Variants in CEACAM5 observed in about 807,000 individuals in gnomAD.
CEACAM5 encodes cell adhesion molecule CEACAM5.
In CEACAM5, 52 loss-of-function variants were observed where a neutral mutation model predicts 63.0. The observed-to-expected ratio is 0.83, with a 90% confidence interval of 0.66 to 1.04. The LOEUF (loss-of-function observed/expected upper bound fraction) is 1.04. CEACAM5 is among the 50% of genes least tolerant of loss of function. The pLI is 0.00. For missense variants in CEACAM5, 790 were observed against 864.8 expected, an observed-to-expected ratio of 0.91 and a Z score of 1.08; for synonymous variants, 357 against 351.3, an observed-to-expected ratio of 1.02 and a Z score of -0.18.
intron 2 of CEACAM5, among the ~76,000 whole-genome samples, chr19:41,713,298 C>A: frequency 6.7e-6 from 1 of 150,262 alleles, no homozygotes. Flanking sequence ...AGCGAGACTC[C>A]ATCTCAAAAA....
intron 7 of CEACAM5, 143 bp from the exon 8 acceptor site, chr19:41,720,779 C>CGT: frequency 9.6e-7 from 1 of 1,037,230 alleles, no homozygotes; most frequent in Non-Finnish European, 1.4e-6. Flanking sequence ...GGATTACAGG[C>CGT]GTGAGCCACC....
At chr19:41,713,996 C>T (rs938023062) in intron 2 of CEACAM5, among the ~76,000 whole-genome samples, 13 of 152,144 alleles carry the variant, frequency 8.5e-5, no homozygotes, top group African/African-American at 3.1e-4. Flanking sequence ...GGGCAGAACA[C>T]CTGAGGTCAG....
intron 6 of CEACAM5, among the ~76,000 whole-genome samples, chr19:41,718,704 A>T (rs1461643831): frequency 1.3e-5 from 2 of 152,308 alleles, no homozygotes; most frequent in Non-Finnish European, 2.9e-5. Context: ...CTCTGTCACC[A>T]ATATGTCCCT....
rs186801481 is a variant in CEACAM5, at chr19:41,721,337, C to T, written c.2026+161C>T. 2.6e-5 allele frequency among the ~76,000 whole-genome samples: 4 copies of T among 152,372 alleles called. No homozygotes were observed. In the South Asian group the frequency reaches 6.2e-4, roughly 24 times the overall value. ...CCCCCTCACTCCATCTCGGCCAACT[C>T]TCTCCTCCCCGGCTTCTCTGATATC... On this transcript the variant is annotated intron_variant, in intron 8 of 9. Transcript: ENST00000221992.
chr19:41,728,803 A>AAAAAAAAAAAG (rs1230457032), intron 9 of CEACAM5, among the ~76,000 whole-genome samples: 2 of 151,390 alleles, frequency 1.3e-5, no homozygotes, highest in African/African-American at 4.9e-5. Context: ...AAAAAAAAAA[A>AAAAAAAAAAAG]AAGAATTGCC....
At position 41,715,908 on chromosome 19, in the gene CEACAM5, A is replaced by C; in HGVS notation, c.958+4A>C. 1 of 1,612,196 alleles carries C rather than the reference A, an allele frequency of 6.2e-7. No homozygotes were observed. Among genetic ancestry groups the C allele is most frequent in the Non-Finnish European group, 8.5e-7 (1 of 1,178,418 alleles). On this transcript the variant is annotated splice_donor_region_variant and intron_variant, in intron 4 of 9. Transcript: ENST00000221992. ...GTCACGACGATCACAGTCTATGGTA[A>C]GTGGATCCACGAAGCACTGACATCA...
chr19:41,725,207 T>C (rs2072681996), intron 8 of CEACAM5, among the ~76,000 whole-genome samples: 1 of 152,202 alleles, frequency 6.6e-6, no homozygotes, highest in Non-Finnish European at 1.5e-5. Context: ...TATCTAATTA[T>C]AGGCCTATTA....
chr19:41,721,324 A>G (rs2122822683), intron 8 of CEACAM5, 148 bp downstream of exon 8: 1 of 870,634 alleles, frequency 1.1e-6, no homozygotes, highest in East Asian at 2.5e-5. Flanking sequence ...CCCTCACTCC[A>G]TCTCGGCCAA....
chr19:41,709,981 A>G lies in CEACAM5; in HGVS notation c.366A>G (p.Leu122=). 3 of 1,613,236 alleles carry G rather than the reference A, an allele frequency of 1.9e-6. No homozygotes were observed. Among genetic ancestry groups the G allele is most frequent in the Non-Finnish European group, 2.5e-6 (3 of 1,179,498 alleles). ...IIQNDTGFYT[L]HVIKSDLVNE... ...AGAATGACACAGGATTCTACACCCT[A>G]CACGTCATAAAGTCAGATCTTGTGA... is the stretch of plus-strand genomic sequence containing the variant. Residue 122 remains leucine, a synonymous_variant, in exon 2 of 10, where the codon CTA becomes CTG. Coordinates refer to ENST00000221992, the MANE Select transcript of CEACAM5 (RefSeq NM_004363.6).
intron 4 of CEACAM5, among the ~76,000 whole-genome samples, chr19:41,716,500 C>G (rs2072529518): frequency 6.6e-6 from 1 of 152,216 alleles, no homozygotes; most frequent in Non-Finnish European, 1.5e-5. Flanking sequence ...CCAATCAACA[C>G]CAAAGCTTCC....
rs566253475 is a variant in CEACAM5, at chr19:41,716,972, C to T, written c.959-483C>T. On this transcript the variant is annotated intron_variant, in intron 4 of 9. Coordinates refer to ENST00000221992, the MANE Select transcript of CEACAM5 (RefSeq NM_004363.6). ...TGTCACCTCTAGACATGCTCCTAGT[C>T]TCCTGCACTATTTCTGCTCAAACAT... Among the ~76,000 whole-genome samples the T allele has an allele frequency of 5.3e-5, 8 of 152,356 alleles. No homozygotes were observed. In the South Asian group the frequency reaches 1.7e-3, roughly 32 times the overall value.
intron 2 of CEACAM5, among the ~76,000 whole-genome samples, chr19:41,713,533 C>G (rs2072470097): frequency 6.6e-6 from 1 of 152,176 alleles, no homozygotes; most frequent in African/African-American, 2.4e-5. Flanking sequence ...CCTAGAACCT[C>G]CTCATCCTGC....
At chr19:41,725,536 G>A (rs1387550532) in intron 8 of CEACAM5, among the ~76,000 whole-genome samples, 2 of 151,834 alleles carry the variant, frequency 1.3e-5, no homozygotes, top group Non-Finnish European at 2.9e-5. Context: ...AGCCTGGATA[G>A]TTTTTTAAAG....
chr19:41,724,891 G>A (rs2072676307), intron 8 of CEACAM5, among the ~76,000 whole-genome samples: 1 of 152,168 alleles, frequency 6.6e-6, no homozygotes, highest in Admixed American at 6.5e-5. Context: ...CTACAGAGAA[G>A]TCCAAGTTAT....
chr19:41,716,032 C>T (rs979039703), intron 4 of CEACAM5, 128 bp downstream of exon 4: 9 of 1,015,620 alleles, frequency 8.9e-6, no homozygotes, highest in Non-Finnish European at 1.3e-5. Flanking sequence ...CCCAGATTCT[C>T]CCACTGAACC....
rs1334278889 is a variant in CEACAM5 at position 41,729,525 on chromosome 19, A to G, written c.*378A>G. ...AAGACTCTGACCTGTACTCTTGAAT[A>G]CAAGTTTCTGATACCACTGCACTGT... On this transcript the variant is annotated 3_prime_UTR_variant, in exon 10 of 10. Coordinates refer to ENST00000221992, the MANE Select transcript of CEACAM5 (RefSeq NM_004363.6). 1 of 152,232 alleles carries G rather than the reference A, an allele frequency of 6.6e-6. No individual in the cohort carries two copies. The highest frequency in any genetic ancestry group is 2.4e-5 in the African/African-American group (1 of 41,462). 9.4% of individuals were successfully genotyped at this position (152,232 alleles called of 1,614,324 possible).
intron 2 of CEACAM5, among the ~76,000 whole-genome samples, chr19:41,713,269 C>A (rs1301782050): frequency 6.6e-6 from 1 of 151,950 alleles, no homozygotes; most frequent in African/African-American, 2.4e-5. Flanking sequence ...CGTGCCACTG[C>A]ACTCCAGCCT....
rs371172248 is a variant in CEACAM5 at position 41,709,738 on chromosome 19, G to A, written c.123G>A (p.Thr41=). Reference sequence around the variant, plus strand: ...CTGCCAAGCTCACTATTGAATCCACGCCGTTCAATGTCGCAGAGGGGAAGG... The same window carrying A: ...CTGCCAAGCTCACTATTGAATCCACACCGTTCAATGTCGCAGAGGGGAAGG... The part of the protein sequence containing the change: ...PTTAKLTIES[T]PFNVAEGKEV... Residue 41 remains threonine (T), a synonymous_variant, in exon 2 of 10, where the codon ACG becomes ACA. Transcript: ENST00000221992. 20 of 1,613,912 alleles carry A rather than the reference G, an allele frequency of 1.2e-5. No individual in the cohort carries two copies. Among genetic ancestry groups the A allele is most frequent in the Admixed American group, 6.7e-5 (4 of 59,980 alleles).
intron 4 of CEACAM5, among the ~76,000 whole-genome samples, chr19:41,716,438 G>A (rs1294922782): frequency 6.6e-6 from 1 of 152,256 alleles, no homozygotes; most frequent in Non-Finnish European, 1.5e-5. Context: ...GGAACGAGGT[G>A]TGTGGAGAAG....
Sources: allele counts gnomAD v4.1 joint callset (sites outside exome capture counted in the v4.1 genomes callset), GRCh38; gene constraint gnomAD v4.1.1; transcripts MANE v1.5; gene names NCBI Gene and HGNC (gene_info 2026-07-23, HGNC 2026-07-21).